The following CEP85L variants were observed in gnomAD, a reference collection of about 807,000 sequenced individuals.
CEP85L encodes the protein centrosomal protein 85L.
CEP85L carries 60 observed loss-of-function variants against 100.3 expected under a neutral mutation model. The observed-to-expected ratio is 0.60, with a 90% CI of 0.49 to 0.74. CEP85L has a LOEUF of 0.74. Ranked by LOEUF, CEP85L falls within the 30% of genes least tolerant of loss-of-function variation. CEP85L has a pLI of 0.00. For synonymous variants in CEP85L, 319 were observed against 322.7 expected (o/e 0.99, Z 0.12); for missense variants, 973 against 936.2 (o/e 1.04, Z -0.51).
At chr6:118,689,641 C>G (rs919244418) in intron 1 of CEP85L, among the ~76,000 whole-genome samples, 1 of 152,114 alleles carries the variant, frequency 6.6e-6, no homozygotes, top group Non-Finnish European at 1.5e-5. Context: ...ATTACTAAAC[C>G]AACTCAGCCT....
chr6:118,640,774 C>A (rs953158270), intron 1 of CEP85L, among the ~76,000 whole-genome samples: 2 of 152,156 alleles, frequency 1.3e-5, no homozygotes, highest in Non-Finnish European at 2.9e-5. Flanking sequence ...AAGTGATCCG[C>A]CTGCTCAGCC....
At chr6:118,484,075 T>G in intron 6 of CEP85L, among the ~76,000 whole-genome samples, 1 of 152,136 alleles carries the variant, frequency 6.6e-6, no homozygotes, top group East Asian at 1.9e-4. Context: ...TTTGGGAGAC[T>G]GAGATGGGCT....
At chr6:118,479,951 A>G (rs772687865) in intron 9 of CEP85L, 30 bp from the exon 10 acceptor site, 6 of 1,172,662 alleles carry the variant, frequency 5.1e-6, no homozygotes, top group South Asian at 4.3e-5. Flanking sequence ...TCTGATTCAA[A>G]TAATTTTTAC....
rs1023005462 is a variant in CEP85L, at chr6:118,665,681, A to G, written c.-27-12873T>C. 8.5e-5 allele frequency among the ~76,000 whole-genome samples: 13 copies of G among 152,146 alleles called. 1 individual carries two copies. Among genetic ancestry groups the G allele is most frequent in the African/African-American group, 3.1e-4 (13 of 41,426 alleles). ...GCCACATCCCTTAACTTTAATGATC[A>G]TAAGAATCCTGCCCAGCTTATAATT... On this transcript the variant is annotated intron_variant, in intron 1 of 13. Coordinates refer to the CEP85L transcript ENST00000368488.
intron 3 of CEP85L, among the ~76,000 whole-genome samples, chr6:118,555,811 G>A (rs532538475): frequency 1.3e-5 from 2 of 149,868 alleles, no homozygotes; most frequent in Non-Finnish European, 2.9e-5. Context: ...CATCCTCCCC[G>A]CTCAAGTAGA....
intron 10 of CEP85L, among the ~76,000 whole-genome samples, chr6:118,475,200 G>A (rs1178211086): frequency 6.6e-6 from 1 of 152,038 alleles, no homozygotes; most frequent in African/African-American, 2.4e-5. Flanking sequence ...GTGGATGGGG[G>A]CTTAGGGAAG....
chr6:118,493,939 G>A (rs1246257457), intron 5 of CEP85L, among the ~76,000 whole-genome samples: 2 of 152,016 alleles, frequency 1.3e-5, no homozygotes, highest in African/African-American at 2.4e-5. Flanking sequence ...CTAGCCCAGC[G>A]TGTAAAGATA....
rs1772338894 is a variant in CEP85L, at chr6:118,463,624, G to C, written c.*1781C>G. 1 of 152,016 alleles carries C rather than the reference G, an allele frequency of 6.6e-6. No individual in the cohort carries two copies. Among genetic ancestry groups the C allele is most frequent in the African/African-American group, 2.4e-5 (1 of 41,426 alleles). The allele number at this position is 152,016 out of a possible 1,614,324, so 9.4% of individuals were successfully genotyped here. On this transcript the variant is annotated 3_prime_UTR_variant, in exon 13 of 13. Coordinates refer to ENST00000368491, the MANE Select transcript of CEP85L (RefSeq NM_001042475.3). Reference sequence around the variant, plus strand: ...AAGCCAAGTTCTTACCAGTGACTAAGACCCTCCTTAGGTTAAGGACTCTGG... The same window carrying C: ...AAGCCAAGTTCTTACCAGTGACTAACACCCTCCTTAGGTTAAGGACTCTGG...
At chr6:118,512,906 G>T (rs903826689) in intron 4 of CEP85L, among the ~76,000 whole-genome samples, 5 of 152,052 alleles carry the variant, frequency 3.3e-5, no homozygotes, top group Non-Finnish European at 7.4e-5. Context: ...ATAATAATAA[G>T]AAAATCCAAT....
chr6:118,613,518 G>C (rs1165161063), intron 2 of CEP85L, among the ~76,000 whole-genome samples: 1 of 151,840 alleles, frequency 6.6e-6, no homozygotes, highest in African/African-American at 2.4e-5. Flanking sequence ...GTACTTTGTG[G>C]GGCCAAGGCG....
intron 2 of CEP85L, among the ~76,000 whole-genome samples, chr6:118,567,235 GTGTGTGTGTGTGTGTATATATA>G (rs1251066131): frequency 4.4e-3 from 364 of 83,540 alleles, no homozygotes; most frequent in African/African-American, 0.013. Flanking sequence ...GTGTGTGTGT[GTGTGTGTGTGTGTGTATATATA>G]TATATATATA....
intron 2 of CEP85L, among the ~76,000 whole-genome samples, chr6:118,625,800 C>T (rs1042857935): frequency 2.6e-5 from 4 of 152,210 alleles, no homozygotes; most frequent in African/African-American, 9.6e-5. Flanking sequence ...CTGTAACAGC[C>T]ATCTTGCTAT....
chr6:118,650,875 C>A (rs1775507192), intron 1 of CEP85L, among the ~76,000 whole-genome samples: 1 of 152,202 alleles, frequency 6.6e-6, no homozygotes, highest in African/African-American at 2.4e-5. Flanking sequence ...GTCACACACC[C>A]CACGAGTAAA....
At chr6:118,564,154 A>T (rs1440475315) in intron 3 of CEP85L, among the ~76,000 whole-genome samples, 2 of 152,186 alleles carry the variant, frequency 1.3e-5, no homozygotes, top group Non-Finnish European at 2.9e-5. Flanking sequence ...TGAGGCTAAG[A>T]AAAACACCTT....
intron 3 of CEP85L, among the ~76,000 whole-genome samples, chr6:118,564,093 A>G (rs1285412972): frequency 6.6e-6 from 1 of 151,864 alleles, no homozygotes; most frequent in Non-Finnish European, 1.5e-5. Context: ...TTAAAAACAA[A>G]TTTATCTCAA....
intron 6 of CEP85L, among the ~76,000 whole-genome samples, chr6:118,490,129 A>G (rs900020216): frequency 2.6e-5 from 4 of 152,166 alleles, no homozygotes; most frequent in Non-Finnish European, 5.9e-5. Context: ...CAAATACTAC[A>G]TAATTCCACT....
Position 118,606,274 on chromosome 6 carries a change from T to A in CEP85L, c.232+26179A>T, listed in dbSNP as rs571751590. The stretch of plus-strand genomic sequence containing the variant: ...CCAAATGACCAATATTTCTAGCTTC[T>A]GAACTTTATCAAAGGTGCTGAGAGA... On this transcript the variant is annotated intron_variant, in intron 2 of 12. Transcript: ENST00000368491. Among the ~76,000 whole-genome samples the A allele has an allele frequency of 1.1e-3, 165 of 152,322 alleles. 1 individual carries two copies. The highest frequency in any genetic ancestry group is 1.3e-3 in the Non-Finnish European group (86 of 68,022).
In CEP85L at chr6:118,470,555, T is replaced by G; in HGVS notation, c.2004A>C (p.Leu668Phe). 1 of 1,591,710 alleles carries G rather than the reference T, an allele frequency of 6.3e-7. No individual in the cohort carries two copies. The highest frequency in any genetic ancestry group is 8.6e-7 in the Non-Finnish European group (1 of 1,169,128). The change falls in exon 11 of 13, where the codon TTA becomes TTC. Residue 668 changes from leucine (L) to phenylalanine (F), a missense_variant. Transcript: ENST00000368491. ...TACTCACTTCAAGCAATGCTTTTGT[T>G]AATCTCTGTACATTTCTTTCTTTCT... Reference protein sequence around the residue: ...LEKKERNVQRLTKALLENQRQ... With the variant: ...LEKKERNVQRFTKALLENQRQ...
intron 5 of CEP85L, chr6:118,501,821 AG>A: frequency 7.8e-7 from 1 of 1,278,354 alleles, no homozygotes; most frequent in Non-Finnish European, 1.1e-6. Flanking sequence ...AGAGAGAGAG[AG>A]AGAGAGAGAG....
Sources: allele counts gnomAD v4.1 joint callset (sites outside exome capture counted in the v4.1 genomes callset), GRCh38; gene constraint gnomAD v4.1.1; transcripts MANE v1.5; gene names NCBI Gene and HGNC (gene_info 2026-07-23, HGNC 2026-07-21).